Variants in ADAMTS7 observed in about 807,000 individuals in gnomAD.
The protein encoded by ADAMTS7 is ADAM metallopeptidase with thrombospondin type 1 motif 7.
A neutral mutation model predicts 172.6 loss-of-function variants in ADAMTS7; 89 were observed. The observed-to-expected ratio is 0.52, with a 90% confidence interval of 0.43 to 0.61. The LOEUF (loss-of-function observed/expected upper bound fraction) is 0.61. Among genes scored for constraint, ADAMTS7 ranks in the 20% least tolerant of loss-of-function variants. The pLI is 0.00. For synonymous variants in ADAMTS7, 885 were observed against 978.4 expected, an observed-to-expected ratio of 0.90 and a Z score of 1.78; for missense variants, 1,973 against 2,355.6, an observed-to-expected ratio of 0.84 and a Z score of 3.36.
intron 1 of ADAMTS7, among the ~76,000 whole-genome samples, chr15:78,806,371 G>C (rs1357506113): frequency 6.6e-6 from 1 of 152,172 alleles, no homozygotes; most frequent in Non-Finnish European, 1.5e-5. Flanking sequence ...TAAACCCTCA[G>C]AGAAGTGGGG....
At position 78,811,326 on chromosome 15, in the gene ADAMTS7, T is replaced by G; in HGVS notation, c.-106A>C. The G allele has an allele frequency of 5.9e-6, 7 of 1,192,876 alleles. No homozygotes were observed. Among genetic ancestry groups the G allele is most frequent in the Non-Finnish European group, 7.3e-6 (7 of 958,720 alleles). The allele number at this position is 1,192,876 out of a possible 1,614,324, so 73.9% of individuals were successfully genotyped here. The stretch of plus-strand genomic sequence containing the variant: ...CGGCTCAGGACATGCCCGGCCGGCG[T>G]GCAGCTCCCGGCGACCCGGCCCCGA... On this transcript the variant is annotated 5_prime_UTR_variant, in exon 1 of 24. Coordinates refer to ENST00000388820, the MANE Select transcript of ADAMTS7 (RefSeq NM_014272.5).
At chr15:78,762,663 T>C in intron 22 of ADAMTS7, 98 bp from the exon 23 acceptor site, 9 of 1,027,186 alleles carry the variant, frequency 8.8e-6, no homozygotes, top group Non-Finnish European at 1.0e-5. Flanking sequence ...GCCCTGTGCC[T>C]GACTGGCCTG....
At chr15:78,768,029 G>GTGGGGAGTTGGCGGGGGATGGGGA in intron 17 of ADAMTS7, 104 bp downstream of exon 17, 3 of 745,116 alleles carry the variant, frequency 4.0e-6, no homozygotes, top group Non-Finnish European at 4.2e-6. Flanking sequence ...ATGCCTGGGG[G>GTGGGGAGTTGGCGGGGGATGGGGA]TGGGGAGTTG....
intron 8 of ADAMTS7, among the ~76,000 whole-genome samples, chr15:78,786,232 C>T (rs902917761): frequency 7.2e-5 from 11 of 151,968 alleles, no homozygotes; most frequent in South Asian, 4.1e-4. Flanking sequence ...AAGCAAGGTC[C>T]GGACAGTAAG....
chr15:78,807,639 T>G (rs1439053422), intron 1 of ADAMTS7, among the ~76,000 whole-genome samples: 1 of 152,186 alleles, frequency 6.6e-6, no homozygotes, highest in Non-Finnish European at 1.5e-5. Flanking sequence ...ATGATAATAA[T>G]TACAGCTGCT....
intron 17 of ADAMTS7, 63 bp downstream of exon 17, chr15:78,768,070 A>ATGGGGTGGGGAGTTGGCGGGGGG: frequency 2.3e-6 from 2 of 870,690 alleles, no homozygotes; most frequent in South Asian, 1.7e-5. Flanking sequence ...TTGGCGGGGG[A>ATGGGGTGGGGAGTTGGCGGGGGG]TGGGGGTGGG....
chr15:78,773,200 C>A lies in ADAMTS7; in HGVS notation c.2014G>T (p.Val672Leu). ...GAGTCAATCTCGAAGTCACAGCCCA[C>A]GTTCTGCAACACACAAGGAAGGGAG... Reference protein sequence around the residue: ...DLCINGICKNVGCDFEIDSGA... With the variant: ...DLCINGICKNLGCDFEIDSGA... Residue 672 changes from valine to leucine, a missense_variant, in exon 14 of 24, where the codon GTG becomes TTG. This residue lies in a region of ADAMTS7 where 13 missense variants were observed against 43.9 expected (regional missense o/e 0.30). Transcript: ENST00000388820. 6.8e-7 allele frequency: 1 copy of A among 1,474,404 alleles called. No homozygotes were observed. The highest frequency in any genetic ancestry group is 9.3e-7 in the Non-Finnish European group (1 of 1,073,130). 91.3% of individuals were successfully genotyped at this position (1,474,404 alleles called of 1,614,324 possible).
Position 78,767,550 on chromosome 15 carries a change from C to G in ADAMTS7, c.2688G>C (p.Gly896=), listed in dbSNP as rs1200718094. 1 of 1,570,238 alleles carries G rather than the reference C, an allele frequency of 6.4e-7. No homozygotes were observed. The highest frequency in any genetic ancestry group is 2.3e-5 in the East Asian group (1 of 42,722). The change falls in exon 18 of 24, where the codon GGG becomes GGC. Residue 896 remains glycine, a synonymous_variant. Transcript: ENST00000388820. ...GEWQLCSSSC[G]PGGLSRRAVL... ...CGGCCCGGCGGGAGAGGCCCCCAGG[C>G]CCGCAGGAGCTGGAGCACAGCTGCC...
At chr15:78,783,248 T>A (rs930163321) in intron 8 of ADAMTS7, among the ~76,000 whole-genome samples, 56 of 152,288 alleles carry the variant, frequency 3.7e-4, no homozygotes, top group African/African-American at 1.1e-3. Context: ...CCTTGCTATA[T>A]ATGAAATACA....
In ADAMTS7 at chr15:78,760,583, C is replaced by T. The variant is rs1236016134; in HGVS notation, c.4904-1005G>A. On this transcript the variant is annotated intron_variant, in intron 23 of 23. Transcript: ENST00000388820. ...ACAAGCTGCTTCACCTCTTGGGCCT[C>T]GGTTCCCTCCTCTGTCAACCCCACC... Among the ~76,000 whole-genome samples, 4 of 152,164 alleles carry T rather than the reference C, an allele frequency of 2.6e-5. No individual in the cohort carries two copies. The East Asian group carries it at 5.8e-4, about 22-fold the overall frequency.
intron 5 of ADAMTS7, 40 bp from the exon 6 acceptor site, chr15:78,790,834 T>C (rs1339501325): frequency 6.2e-7 from 1 of 1,609,302 alleles, no homozygotes; most frequent in South Asian, 1.1e-5. Flanking sequence ...CTCCCCTGAG[T>C]TCCAAGAAGG....
chr15:78,791,101 A>G (rs1596194317), intron 5 of ADAMTS7, 39 bp downstream of exon 5: 1 of 1,595,594 alleles, frequency 6.3e-7, no homozygotes, highest in East Asian at 2.2e-5. Context: ...TGGCAGCCGA[A>G]GCCATTGCCG....
At chr15:78,797,911 C>T (rs754288392) in intron 3 of ADAMTS7, 37 bp downstream of exon 3, 3 of 1,582,326 alleles carry the variant, frequency 1.9e-6, no homozygotes, top group South Asian at 1.1e-5. Flanking sequence ...TCCCCAGGCC[C>T]AGCACCCACC....
intron 16 of ADAMTS7, among the ~76,000 whole-genome samples, chr15:78,769,117 G>T (rs995027480): frequency 6.6e-5 from 10 of 152,242 alleles, no homozygotes; most frequent in Non-Finnish European, 1.2e-4. Flanking sequence ...ACAAGAAATG[G>T]GGCATCAAGG....
chr15:78,769,979 T>C (rs2055219843), intron 16 of ADAMTS7, among the ~76,000 whole-genome samples: 1 of 152,072 alleles, frequency 6.6e-6, no homozygotes, highest in Admixed American at 6.5e-5. Context: ...CTGGCCAACA[T>C]GGTGAAACCC....
Position 78,762,404 on chromosome 15 carries a change from G to C in ADAMTS7, c.4902C>G (p.Pro1634=). ...GGAGCCTGGGGTCAGGGGACTCACG[G>C]GGAGGCTCGACGGGCTCACAATCCT... ...GTEDCEPVEP[P]RCERDRLSFG... is the part of the protein sequence containing the mutation. The change falls in exon 23 of 24, where the codon CCC becomes CCG. Residue 1634 remains proline (P), a splice_region_variant and synonymous_variant. Coordinates refer to ENST00000388820, the MANE Select transcript of ADAMTS7 (RefSeq NM_014272.5). 5 of 1,464,848 alleles carry C rather than the reference G, an allele frequency of 3.4e-6. No homozygotes were observed. The highest frequency in any genetic ancestry group is 4.5e-6 in the Non-Finnish European group (5 of 1,103,648). The allele number at this position is 1,464,848 out of a possible 1,614,324, so 90.7% of individuals were successfully genotyped here.
At chr15:78,788,111 T>A in intron 8 of ADAMTS7, 120 bp downstream of exon 8, 1 of 1,376,854 alleles carries the variant, frequency 7.3e-7, no homozygotes, top group Non-Finnish European at 9.9e-7. Context: ...ACCTCATGTA[T>A]CAAGATCTTG....
At chr15:78,772,296 A>C (rs2055264266) in intron 14 of ADAMTS7, among the ~76,000 whole-genome samples, 1 of 152,160 alleles carries the variant, frequency 6.6e-6, no homozygotes, top group Non-Finnish European at 1.5e-5. Flanking sequence ...TGTTATCCCC[A>C]TTTTACAGAT....
At chr15:78,761,733 T>TGTGTGTGTTGGC (rs2055045829) in intron 23 of ADAMTS7, among the ~76,000 whole-genome samples, 1 of 151,884 alleles carries the variant, frequency 6.6e-6, no homozygotes, top group East Asian at 2.0e-4. Flanking sequence ...TGACTGTGTG[T>TGTGTGTGTTGGC]GTGTGTGTTG....
Sources: allele counts gnomAD v4.1 joint callset (sites outside exome capture counted in the v4.1 genomes callset), GRCh38; gene constraint gnomAD v4.1.1; regional missense constraint gnomAD v4.1.1; transcripts MANE v1.5; gene names NCBI Gene and HGNC (gene_info 2026-07-23, HGNC 2026-07-21).